MYO5C: variants seen among roughly 807,000 people sequenced by gnomAD.
The protein encoded by MYO5C is myosin VC.
In MYO5C, 194 loss-of-function variants were observed where a neutral mutation model predicts 235.7. The ratio of observed to expected loss-of-function variants is 0.82; its 90% CI spans 0.73 to 0.93. The LOEUF is 0.93. Ranked by LOEUF, MYO5C falls within the 40% of genes least tolerant of loss-of-function variation. The probability of loss-of-function intolerance (pLI) is 0.00; values close to 1 mark genes in which losing one functional copy is unlikely to be tolerated. For missense variants in MYO5C, 2,038 were observed against 2,127.2 expected, an observed-to-expected ratio of 0.96 and a Z score of 0.82; for synonymous variants, 707 against 754.8, an observed-to-expected ratio of 0.94 and a Z score of 1.04.
At chr15:52,291,729 A>ATTTTTTTTTTTTTTT (rs1317823747) in intron 1 of MYO5C, among the ~76,000 whole-genome samples, 2 of 46,726 alleles carry the variant, frequency 4.3e-5, no homozygotes, top group Admixed American at 2.5e-4. Flanking sequence ...TGCATATTTT[A>ATTTTTTTTTTTTTTT]TGTTTTTTTT....
chr15:52,282,685 T>C (rs2037183840), intron 2 of MYO5C, 97 bp downstream of exon 2: 4 of 840,512 alleles, frequency 4.8e-6, no homozygotes, highest in South Asian at 4.2e-5. Context: ...CGCCCTCCCC[T>C]GGGTGCCTCC....
chr15:52,254,884 T>C (rs1192248489), intron 11 of MYO5C, among the ~76,000 whole-genome samples: 1 of 152,036 alleles, frequency 6.6e-6, no homozygotes, highest in Non-Finnish European at 1.5e-5. Context: ...ATACTGAATA[T>C]GCACTTGGAA....
chr15:52,256,257 A>G (rs2036574926), intron 11 of MYO5C, among the ~76,000 whole-genome samples: 1 of 152,142 alleles, frequency 6.6e-6, no homozygotes, highest in Non-Finnish European at 1.5e-5. Flanking sequence ...ACGTGAAGAT[A>G]AAGCAATGGG....
rs767638097 is a variant in MYO5C, at chr15:52,256,585, A to ACGCGCGCGCG, written c.1395+53_1395+54insCGCGCGCGCG. On this transcript the variant is annotated intron_variant, in intron 11 of 40. Coordinates refer to ENST00000261839, the MANE Select transcript of MYO5C (RefSeq NM_018728.4). ...CGAACACACACACACACACACACACACACGCGCGCGCGCGCGGCTGAGAAC... is the reference window on the plus strand; with the variant it reads ...CGAACACACACACACACACACACACACGCGCGCGCGCACGCGCGCGCGCGCGGCTGAGAAC... 149 of 870,734 alleles carry ACGCGCGCGCG rather than the reference A, an allele frequency of 1.7e-4. No individual in the cohort carries two copies. In the East Asian group the frequency reaches 3.2e-3, roughly 19 times the overall value. The allele number at this position is 870,734 out of a possible 1,614,324, so 53.9% of individuals were successfully genotyped here. A position where few individuals can be genotyped will look rare whatever the true frequency, so the allele number is the denominator to read the frequency against.
chr15:52,221,800 T>C (rs1159866701), intron 29 of MYO5C, among the ~76,000 whole-genome samples: 1 of 152,214 alleles, frequency 6.6e-6, no homozygotes, highest in Non-Finnish European at 1.5e-5. Context: ...CCCAAGTTTA[T>C]AAACATGCTC....
At chr15:52,232,728 A>ATTGTTT in intron 23 of MYO5C, 43 bp from the exon 24 acceptor site, 1 of 1,517,732 alleles carries the variant, frequency 6.6e-7, no homozygotes, top group Non-Finnish European at 9.2e-7. Flanking sequence ...TGCCAAATCA[A>ATTGTTT]TGCCTTGATT....
chr15:52,229,127 C>G lies in MYO5C; in HGVS notation c.3207+6G>C. ...AGGGCGGGGCTGAACGTGAGAGCCGCTCTACCTTGACCTGCTTGCTCAGGC... is the reference window on the plus strand; with the variant it reads ...AGGGCGGGGCTGAACGTGAGAGCCGGTCTACCTTGACCTGCTTGCTCAGGC... On this transcript the variant is annotated splice_donor_region_variant and intron_variant, in intron 25 of 40. Transcript: ENST00000261839. 6.2e-7 allele frequency: 1 copy of G among 1,614,060 alleles called. No homozygotes were observed. The highest frequency in any genetic ancestry group is 8.5e-7 in the Non-Finnish European group (1 of 1,179,976).
intron 24 of MYO5C, among the ~76,000 whole-genome samples, chr15:52,231,423 C>G (rs897843493): frequency 6.6e-6 from 1 of 152,174 alleles, no homozygotes; most frequent in African/African-American, 2.4e-5. Context: ...AAGACCCCTG[C>G]TTGAAATGAT....
intron 10 of MYO5C, among the ~76,000 whole-genome samples, chr15:52,258,171 C>A (rs1055195080): frequency 1.3e-5 from 2 of 152,178 alleles, no homozygotes; most frequent in African/African-American, 4.8e-5. Flanking sequence ...GTTTAGGACC[C>A]ATGGAAAGAC....
rs770217815 is a variant in MYO5C at position 52,242,200 on chromosome 15, C to A, written c.2404G>T (p.Ala802Ser). 25 of 1,611,838 alleles carry A rather than the reference C, an allele frequency of 1.6e-5. No homozygotes were observed. Among genetic ancestry groups the A allele is most frequent in the Non-Finnish European group, 2.1e-5 (25 of 1,178,820 alleles). Reference sequence around the variant, plus strand: ...GCCCAAGCTTCTTTTAAGGCCACTGCAGTAATAGCTTTCCTTGGTTAACAA... The same window carrying A: ...GCCCAAGCTTCTTTTAAGGCCACTGAAGTAATAGCTTTCCTTGGTTAACAA... Reference protein sequence around the residue: ...GQQTVRKAITAVALKEAWAAI... With the variant: ...GQQTVRKAITSVALKEAWAAI... Residue 802 changes from alanine to serine, a missense_variant, in exon 20 of 41, where the codon GCA (alanine) becomes TCA (serine). Coordinates refer to ENST00000261839, the MANE Select transcript of MYO5C (RefSeq NM_018728.4).
intron 8 of MYO5C, among the ~76,000 whole-genome samples, chr15:52,265,964 C>T (rs569444145): frequency 6.6e-6 from 1 of 152,208 alleles, no homozygotes; most frequent in African/African-American, 2.4e-5. Context: ...CTCCTCCATC[C>T]GAAGGACAGA....
At chr15:52,264,088 G>A (rs1354799661) in intron 9 of MYO5C, 102 bp downstream of exon 9, 16 of 824,534 alleles carry the variant, frequency 1.9e-5, no homozygotes, top group Non-Finnish European at 2.9e-5. Flanking sequence ...CTACCCAGGA[G>A]GCCGACTATA....
At position 52,193,810 on chromosome 15, in the gene MYO5C, T is replaced by A; in HGVS notation, c.*92A>T. The A allele has an allele frequency of 9.3e-6, 13 of 1,394,616 alleles. No individual in the cohort carries two copies. The highest frequency in any genetic ancestry group is 1.3e-5 in the Non-Finnish European group (13 of 1,016,660). The allele number at this position is 1,394,616 out of a possible 1,614,324, so 86.4% of individuals were successfully genotyped here. A position where few individuals can be genotyped will look rare whatever the true frequency, so the allele number is the denominator to read the frequency against. On this transcript the variant is annotated 3_prime_UTR_variant, in exon 41 of 41. Transcript: ENST00000261839. ...AGTCTGTTTTCTTCCTTAAATCACA[T>A]TCCAATTTCCACTGCCAATTAATAA...
intron 30 of MYO5C, among the ~76,000 whole-genome samples, chr15:52,220,841 AT>A (rs58756996): frequency 0.11 from 16,759 of 146,442 alleles, 1,126 homozygotes; most frequent in African/African-American, 0.18. Context: ...AAAAAAAAAA[AT>A]TTTTTTTGTA....
In MYO5C at chr15:52,253,566, T is replaced by A. The variant is rs113086935; in HGVS notation, c.1396-109A>T. On this transcript the variant is annotated intron_variant, in intron 11 of 40. Transcript: ENST00000261839. ...GTAAATGGTTGATCTGTAATATTTA[T>A]GTTTAAAAAGAAGGACCCTGAAGTA... The A allele has an allele frequency of 2.1e-4, 226 of 1,075,812 alleles. 2 individuals are homozygous for A. The African/African-American group carries it at 3.0e-3, about 14-fold the overall frequency. The allele number at this position is 1,075,812 out of a possible 1,614,324, so 66.6% of individuals were successfully genotyped here. A position where few individuals can be genotyped will look rare whatever the true frequency, so the allele number is the denominator to read the frequency against.
intron 39 of MYO5C, 34 bp downstream of exon 39, chr15:52,196,275 A>G (rs1301316752): frequency 1.2e-5 from 19 of 1,555,834 alleles, no homozygotes; most frequent in Non-Finnish European, 1.6e-5. Context: ...TGTGTCAGGG[A>G]AGAGCCAGGG....
In MYO5C at chr15:52,221,272, GA is replaced by G. The variant is rs771079099; in HGVS notation, c.3628-18del. 1 of 1,515,186 alleles carries G rather than the reference GA, an allele frequency of 6.6e-7. No homozygotes were observed. The highest frequency in any genetic ancestry group is 1.9e-5 in the Admixed American group (1 of 53,790). The allele number at this position is 1,515,186 out of a possible 1,614,324, so 93.9% of individuals were successfully genotyped here. A position where few individuals can be genotyped will look rare whatever the true frequency, so the allele number is the denominator to read the frequency against. ...TGGGATCATCTTTAGAGAAGAATTAGAAATATTAGAATATAAAATACTTTTA... is the reference window on the plus strand; with the variant it reads ...TGGGATCATCTTTAGAGAAGAATTAGAATATTAGAATATAAAATACTTTTA... On this transcript the variant is annotated intron_variant, in intron 29 of 40. Transcript: ENST00000261839.
Position 52,219,910 on chromosome 15 carries a change from G to A in MYO5C, c.3722-88C>T. The A allele has an allele frequency of 5.2e-6, 5 of 964,690 alleles. No individual in the cohort carries two copies. The South Asian group carries it at 7.1e-5, about 14-fold the overall frequency. The allele number at this position is 964,690 out of a possible 1,614,324, so 59.8% of individuals were successfully genotyped here. A position where few individuals can be genotyped will look rare whatever the true frequency, so the allele number is the denominator to read the frequency against. On this transcript the variant is annotated intron_variant, in intron 30 of 40. Coordinates refer to ENST00000261839, the MANE Select transcript of MYO5C (RefSeq NM_018728.4). ...TTGGTATTATTTTCAATTTTTAGAGGTCCTAAACTAGGGGTGTCCGATCTT... is the reference window on the plus strand; with the variant it reads ...TTGGTATTATTTTCAATTTTTAGAGATCCTAAACTAGGGGTGTCCGATCTT...
At chr15:52,194,960 G>A (rs543386357) in intron 40 of MYO5C, among the ~76,000 whole-genome samples, 2 of 152,164 alleles carry the variant, frequency 1.3e-5, no homozygotes, top group South Asian at 4.2e-4. Flanking sequence ...GACTCCCAGG[G>A]ATCCTTGAGC....
Sources: gnomAD v4.1 joint callset for allele counts (sites outside exome capture counted in the v4.1 genomes callset) on GRCh38, gnomAD v4.1.1 for gene constraint, MANE v1.5 for transcripts, NCBI Gene and HGNC (gene_info 2026-07-23, HGNC 2026-07-21) for gene names.